The following WARS2 variants were observed in gnomAD, a reference collection of about 807,000 sequenced individuals.
The protein encoded by WARS2 is tryptophanyl tRNA synthetase 2, mitochondrial.
In WARS2, 28 loss-of-function variants were observed where a neutral mutation model predicts 36.5. The observed-to-expected ratio is 0.77, with a 90% CI of 0.57 to 1.05. WARS2 has a LOEUF of 1.05. Ranked by LOEUF, WARS2 falls within the 50% of genes least tolerant of loss-of-function variation. WARS2 has a pLI of 0.00. For synonymous variants in WARS2, 174 were observed against 178.4 expected, an observed-to-expected ratio of 0.98 and a Z score of 0.20; for missense variants, 435 against 456.8, an observed-to-expected ratio of 0.95 and a Z score of 0.44.
intron 1 of WARS2, among the ~76,000 whole-genome samples, chr1:119,107,519 G>A (rs1232216645): frequency 2.0e-5 from 3 of 152,038 alleles, no homozygotes; most frequent in East Asian, 1.9e-4. Flanking sequence ...AGCATCATTT[G>A]ATGAAGACTC....
chr1:119,121,967 T>G (rs930781839), intron 1 of WARS2, among the ~76,000 whole-genome samples: 8 of 152,058 alleles, frequency 5.3e-5, no homozygotes, highest in African/African-American at 1.9e-4. Context: ...AAAATTCTCC[T>G]AGATACTGGC....
chr1:119,125,672 A>G (rs1485242030), intron 1 of WARS2, among the ~76,000 whole-genome samples: 1 of 152,206 alleles, frequency 6.6e-6, no homozygotes, highest in Non-Finnish European at 1.5e-5. Flanking sequence ...TTACATGACT[A>G]CATAAATGAG....
intron 1 of WARS2, among the ~76,000 whole-genome samples, chr1:119,130,404 T>C (rs1461725293): frequency 6.6e-6 from 1 of 152,180 alleles, no homozygotes; most frequent in Non-Finnish European, 1.5e-5. Flanking sequence ...TGGCAAATCC[T>C]AGTATAATTA....
At chr1:119,119,185 C>T (rs1479752380) in intron 1 of WARS2, among the ~76,000 whole-genome samples, 1 of 151,876 alleles carries the variant, frequency 6.6e-6, no homozygotes, top group East Asian at 1.9e-4. Flanking sequence ...AAGAGACTCA[C>T]CTAACACGTA....
intron 1 of WARS2, among the ~76,000 whole-genome samples, chr1:119,086,576 C>T (rs1652685813): frequency 6.6e-6 from 1 of 152,054 alleles, no homozygotes; most frequent in South Asian, 2.1e-4. Flanking sequence ...TTTGACCTCA[C>T]CCCAGTCAAG....
chr1:119,095,777 A>C (rs954086773), intron 1 of WARS2, among the ~76,000 whole-genome samples: 2 of 152,226 alleles, frequency 1.3e-5, no homozygotes, highest in Non-Finnish European at 2.9e-5. Flanking sequence ...CCTGTATGTC[A>C]TATCTTTGAG....
intron 1 of WARS2, among the ~76,000 whole-genome samples, chr1:119,135,132 T>C (rs1053057171): frequency 1.3e-5 from 2 of 152,214 alleles, no homozygotes; most frequent in Non-Finnish European, 2.9e-5. Flanking sequence ...TCAAAGTAAA[T>C]ACTCTCAAAC....
At chr1:119,122,205 A>C (rs2101539821) in intron 1 of WARS2, among the ~76,000 whole-genome samples, 1 of 152,300 alleles carries the variant, frequency 6.6e-6, no homozygotes, top group East Asian at 1.9e-4. Context: ...AGAAAAAAGC[A>C]ATCAATCCCA....
chr1:119,071,201 G>A (rs1651292004), intron 2 of WARS2, among the ~76,000 whole-genome samples: 1 of 152,148 alleles, frequency 6.6e-6, no homozygotes, highest in South Asian at 2.1e-4. Flanking sequence ...ATATGTGTTG[G>A]CAAAGATGTG....
chr1:119,082,098 GC>G (rs1290769880), intron 1 of WARS2, among the ~76,000 whole-genome samples: 22 of 152,018 alleles, frequency 1.4e-4, no homozygotes, highest in Admixed American at 1.4e-3. Flanking sequence ...AAATATGGAG[GC>G]CAACAATTAA....
At chr1:119,088,435 AACACACACACACACACAC>A (rs113752727) in intron 1 of WARS2, among the ~76,000 whole-genome samples, 1 of 149,064 alleles carries the variant, frequency 6.7e-6, no homozygotes, top group Non-Finnish European at 1.5e-5. Context: ...GAAACACTGA[AACACACACACACACACAC>A]ACACACACAC....
chr1:119,097,184 GA>G (rs1484801691), intron 1 of WARS2, among the ~76,000 whole-genome samples: 1 of 152,168 alleles, frequency 6.6e-6, no homozygotes, highest in Non-Finnish European at 1.5e-5. Context: ...GAGTTATAAT[GA>G]AGTGATTTTC....
chr1:119,134,122 C>G (rs1656297375), intron 1 of WARS2, among the ~76,000 whole-genome samples: 1 of 151,082 alleles, frequency 6.6e-6, no homozygotes, highest in African/African-American at 2.4e-5. Flanking sequence ...GCAACCTAAC[C>G]AAGGTCATTC....
chr1:119,082,457 T>C (rs1490650682), intron 1 of WARS2: 1 of 985,210 alleles, frequency 1.0e-6, no homozygotes, highest in African/African-American at 1.7e-5. Context: ...GTAGTGAAGG[T>C]AGGAATCATA....
intron 1 of WARS2, among the ~76,000 whole-genome samples, chr1:119,130,945 C>A (rs1374863346): frequency 6.6e-6 from 1 of 152,158 alleles, no homozygotes; most frequent in Non-Finnish European, 1.5e-5. Flanking sequence ...GCTTATGCTG[C>A]ACCTGTGGTA....
intron 1 of WARS2, among the ~76,000 whole-genome samples, chr1:119,103,647 A>G (rs1416059622): frequency 6.6e-6 from 1 of 151,834 alleles, no homozygotes; most frequent in East Asian, 1.9e-4. Context: ...AAATTGTCAA[A>G]TAATTCTGGT....
At chr1:119,051,652 G>A (rs755233855) in intron 2 of WARS2, among the ~76,000 whole-genome samples, 3 of 151,670 alleles carry the variant, frequency 2.0e-5, no homozygotes, top group Non-Finnish European at 4.4e-5. Flanking sequence ...TTATACTCCC[G>A]TCAACAGTGT....
At chr1:119,118,862 T>C (rs901436666) in intron 1 of WARS2, among the ~76,000 whole-genome samples, 1 of 152,112 alleles carries the variant, frequency 6.6e-6, no homozygotes, top group Non-Finnish European at 1.5e-5. Flanking sequence ...GATAAAGCCA[T>C]TTTCAGACAA....
chr1:119,074,980 A>G (rs1651614844), intron 2 of WARS2, among the ~76,000 whole-genome samples: 1 of 152,144 alleles, frequency 6.6e-6, no homozygotes, highest in East Asian at 1.9e-4. Flanking sequence ...GGCAGACACT[A>G]GAGACTCCAA....
Sources: gnomAD v4.1 joint callset for allele counts (sites outside exome capture counted in the v4.1 genomes callset) on GRCh38, gnomAD v4.1.1 for gene constraint, MANE v1.5 for transcripts, NCBI Gene and HGNC (gene_info 2026-07-23, HGNC 2026-07-21) for gene names.